The following SEM1 variants were observed in gnomAD, a reference collection of about 807,000 sequenced individuals.
SEM1 encodes the protein SEM1 26S proteasome subunit, also known as 26S proteasome complex subunit SEM1.
A neutral mutation model predicts 12.7 loss-of-function variants in SEM1; 3 were observed. That is an observed-to-expected ratio of 0.24 (90% CI 0.11 to 0.61). SEM1 has a LOEUF of 0.61. Among genes scored for constraint, SEM1 ranks in the 20% least tolerant of loss-of-function variants. SEM1 has a pLI of 0.88. For synonymous variants in SEM1, 30 were observed against 27.8 expected (o/e 1.08, Z -0.25); for missense variants, 59 against 81.3 (o/e 0.73, Z 1.06).
intron 2 of SEM1, chr7:96,645,326 C>T (rs892518734): frequency 6.5e-6 from 1 of 154,800 alleles, no homozygotes; most frequent in Non-Finnish European, 1.4e-5. Context: ...TAAGTAAATA[C>T]TGTATAATGG....
intron 2 of SEM1, among the ~76,000 whole-genome samples, chr7:96,628,305 C>A (rs1808137044): frequency 6.6e-6 from 1 of 151,902 alleles, no homozygotes. Context: ...TGTTTTGTGG[C>A]CTTCTCTTCC....
At chr7:96,694,929 T>C (rs778685406) in intron 1 of SEM1, 38 bp from the exon 2 acceptor site, 1 of 1,439,424 alleles carries the variant, frequency 6.9e-7, no homozygotes, top group South Asian at 1.2e-5. Context: ...ATATTTCTCA[T>C]ACATTATTTC....
chr7:96,499,841 CG>C (rs1340758365), upstream of SEM1, among the ~76,000 whole-genome samples: 1 of 152,012 alleles, frequency 6.6e-6, no homozygotes, highest in Admixed American at 6.6e-5. Flanking sequence ...GCTAGAAAAA[CG>C]TTTTTTGTTT....
intron 2 of SEM1, among the ~76,000 whole-genome samples, chr7:96,607,155 C>T (rs2116219733): frequency 6.6e-6 from 1 of 152,222 alleles, no homozygotes; most frequent in African/African-American, 2.4e-5. Flanking sequence ...GCTGAGGATA[C>T]CTTGGTGAAA....
intron 2 of SEM1, among the ~76,000 whole-genome samples, chr7:96,682,256 A>G (rs1191683680): frequency 6.6e-6 from 1 of 152,112 alleles, no homozygotes; most frequent in Non-Finnish European, 1.5e-5. Context: ...ACTTTGCTTA[A>G]GTTGCTTATC....
At chr7:96,655,314 T>G (rs1225409369) in intron 2 of SEM1, among the ~76,000 whole-genome samples, 1 of 152,204 alleles carries the variant, frequency 6.6e-6, no homozygotes, top group African/African-American at 2.4e-5. Flanking sequence ...CCATTGCCAT[T>G]GTTGTGTGGT....
intron 2 of SEM1, among the ~76,000 whole-genome samples, chr7:96,580,901 T>C (rs979083456): frequency 8.5e-5 from 13 of 152,148 alleles, no homozygotes; most frequent in African/African-American, 3.1e-4. Context: ...TGCAAAAATT[T>C]TCTCCCATTT....
At position 96,575,933 on chromosome 7, in the gene SEM1, G is replaced by A. The variant is rs906889869; in HGVS notation, c.171-69235C>T. Among the ~76,000 whole-genome samples the A allele has an allele frequency of 2.6e-5, 4 of 152,104 alleles. No homozygotes were observed. The South Asian group carries it at 8.3e-4, about 31-fold the overall frequency. On this transcript the variant is annotated intron_variant and NMD_transcript_variant, in intron 2 of 3. Transcript: ENST00000466986. Reference sequence around the variant, plus strand: ...GATCTACTTGAAGAAGACGACACATGTACATCTATTATTATATTCTGTGTA... The same window carrying A: ...GATCTACTTGAAGAAGACGACACATATACATCTATTATTATATTCTGTGTA...
chr7:96,516,575 GACA>G (rs1161734095), intron 2 of SEM1, among the ~76,000 whole-genome samples: 1 of 152,114 alleles, frequency 6.6e-6, no homozygotes, highest in African/African-American at 2.4e-5. Context: ...GCAGAACACT[GACA>G]ACATCAGATG....
intron 2 of SEM1, among the ~76,000 whole-genome samples, chr7:96,601,243 C>A (rs374448876): frequency 1.1e-4 from 16 of 152,154 alleles, no homozygotes; most frequent in Admixed American, 3.9e-4. Context: ...AAGCTGCATT[C>A]ATGGAACTTA....
At chr7:96,633,120 A>G (rs1808324757) in intron 2 of SEM1, among the ~76,000 whole-genome samples, 1 of 152,110 alleles carries the variant, frequency 6.6e-6, no homozygotes, top group Non-Finnish European at 1.5e-5. Flanking sequence ...CAATTAGTTT[A>G]GGGAAGGGCC....
At position 96,693,786 on chromosome 7, in the gene SEM1, GTGTGTA is replaced by G. The variant is rs1434416861; in HGVS notation, c.170+1006_170+1011del. Among the ~76,000 whole-genome samples, 711 of 149,550 alleles carry G rather than the reference GTGTGTA, an allele frequency of 4.8e-3. 3 individuals are homozygous for G. The highest frequency in any genetic ancestry group is 0.017 in the African/African-American group (682 of 40,874). On this transcript the variant is annotated intron_variant, in intron 2 of 2. Coordinates refer to ENST00000248566, the MANE Select transcript of SEM1 (RefSeq NM_006304.2). ...TGTGTGTGTGTGTGTGTGTGTGTGTGTGTGTATATATATATATATAAAATTTCTTTT... is the reference window on the plus strand; with the variant it reads ...TGTGTGTGTGTGTGTGTGTGTGTGTGTATATATATATATAAAATTTCTTTT...
At position 96,709,730 on chromosome 7, in the gene SEM1, G is replaced by A; in HGVS notation, c.34C>T (p.Leu12=). 6.8e-6 allele frequency: 11 copies of A among 1,613,968 alleles called. No homozygotes were observed. The highest frequency in any genetic ancestry group is 9.3e-6 in the Non-Finnish European group (11 of 1,179,948). ...TCAAACTCGTCGTCTTCCTCTAACA[G>A]ACCTAAGTCTACCGGCTGCTTTTTC... is the stretch of plus-strand genomic sequence containing the variant. ...SEKKQPVDLG[L]LEEDDEFEEF... Residue 12 remains leucine, a synonymous_variant, in exon 1 of 3, where the codon CTG becomes TTG. Transcript: ENST00000248566.
At chr7:96,695,399 A>C (rs1171901831) in intron 1 of SEM1, 1 of 152,070 alleles carries the variant, frequency 6.6e-6, no homozygotes, top group Non-Finnish European at 1.5e-5. Context: ...ATAAATATGC[A>C]TAAAGAAGAA....
At chr7:96,611,478 A>C (rs1186101085) in intron 2 of SEM1, among the ~76,000 whole-genome samples, 1 of 152,208 alleles carries the variant, frequency 6.6e-6, no homozygotes, top group Non-Finnish European at 1.5e-5. Context: ...CAAAAGTTAC[A>C]TGAGTGATGA....
chr7:96,617,846 A>C (rs956296985), downstream of SEM1, among the ~76,000 whole-genome samples: 20 of 152,124 alleles, frequency 1.3e-4, no homozygotes, highest in Admixed American at 1.0e-3. Flanking sequence ...CCATTAATTG[A>C]TTTGCATATG....
intron 1 of SEM1, among the ~76,000 whole-genome samples, chr7:96,494,787 A>G (rs1042312403): frequency 1.3e-5 from 2 of 150,990 alleles, no homozygotes; most frequent in African/African-American, 4.9e-5. Flanking sequence ...TATTTTAATG[A>G]TATTTCAGGC....
intron 2 of SEM1, among the ~76,000 whole-genome samples, chr7:96,638,005 A>G (rs1177250788): frequency 6.6e-6 from 1 of 152,060 alleles, no homozygotes; most frequent in Non-Finnish European, 1.5e-5. Context: ...GCTAATGGCT[A>G]CCAATGAACA....
At chr7:96,554,678 C>A (rs1327699433) in intron 2 of SEM1, among the ~76,000 whole-genome samples, 1 of 151,218 alleles carries the variant, frequency 6.6e-6, no homozygotes, top group Non-Finnish European at 1.5e-5. Flanking sequence ...GTGTCTCTGC[C>A]CGGCTTTGGT....
Sources: allele counts gnomAD v4.1 joint callset (sites outside exome capture counted in the v4.1 genomes callset), GRCh38; gene constraint gnomAD v4.1.1; transcripts MANE v1.5; gene names NCBI Gene and HGNC (gene_info 2026-07-23, HGNC 2026-07-21).